Variants in TRPC4AP observed in about 807,000 individuals in gnomAD.
TRPC4AP encodes short transient receptor potential channel 4-associated protein.
A neutral mutation model predicts 99.0 loss-of-function variants in TRPC4AP; 45 were observed. The ratio of observed to expected loss-of-function variants is 0.45; its 90% CI spans 0.36 to 0.58. The LOEUF (loss-of-function observed/expected upper bound fraction) is 0.58, where lower values mean the gene tolerates loss of function less well. TRPC4AP is among the 20% of genes least tolerant of loss of function. The pLI is 0.00. For synonymous variants in TRPC4AP, 408 were observed against 385.8 expected (o/e 1.06, Z -0.67); for missense variants, 879 against 985.3 (o/e 0.89, Z 1.44).
chr20:35,031,272 G>C (rs1160386254), intron 8 of TRPC4AP, among the ~76,000 whole-genome samples: 1 of 149,868 alleles, frequency 6.7e-6, no homozygotes, highest in Non-Finnish European at 1.5e-5. Context: ...GTCTCGCTCT[G>C]TCACCCAGGC....
At chr20:35,031,390 C>CTT (rs71299218) in intron 8 of TRPC4AP, among the ~76,000 whole-genome samples, 9,567 of 73,352 alleles carry the variant, frequency 0.13, 1,163 homozygotes, top group Non-Finnish European at 0.14. Flanking sequence ...CCCTGGTTAA[C>CTT]TTTTTTTTTT....
At chr20:35,053,653 A>G (rs1483336253) in intron 5 of TRPC4AP, among the ~76,000 whole-genome samples, 2 of 152,242 alleles carry the variant, frequency 1.3e-5, no homozygotes, top group African/African-American at 4.8e-5. Context: ...TGTTCAAACA[A>G]GAGGAAAGAA....
chr20:35,030,904 C>T (rs2083174988), intron 8 of TRPC4AP, among the ~76,000 whole-genome samples: 1 of 152,194 alleles, frequency 6.6e-6, no homozygotes, highest in African/African-American at 2.4e-5. Context: ...TGTCTGAAGT[C>T]ACCTGCTTTC....
intron 7 of TRPC4AP, among the ~76,000 whole-genome samples, chr20:35,037,745 G>T (rs985999025): frequency 1.3e-5 from 2 of 152,130 alleles, no homozygotes; most frequent in African/African-American, 4.8e-5. Flanking sequence ...GAAGACGGTG[G>T]TGCCATCAGA....
chr20:35,003,614 C>G lies in TRPC4AP; in HGVS notation c.2052G>C (p.Glu684Asp). 6.2e-7 allele frequency: 1 copy of G among 1,613,152 alleles called. No homozygotes were observed. The highest frequency in any genetic ancestry group is 8.5e-7 in the Non-Finnish European group (1 of 1,179,766). The change falls in exon 18 of 19, where the codon GAG (glutamate) becomes GAC (aspartate). Residue 684 changes from glutamate to aspartate, a missense_variant and splice_region_variant. By Grantham distance (45) the Glu-to-Asp change is conservative (BLOSUM62 2). Around this residue, in one of 3 missense-constraint regions of TRPC4AP, gnomAD observed 224 missense variants for 264.7 expected, o/e 0.85. Coordinates refer to ENST00000252015, the MANE Select transcript of TRPC4AP (RefSeq NM_015638.3). ...NIIHVQTLTQENVSCLNTSLV... is the reference protein window; with the variant it reads ...NIIHVQTLTQDNVSCLNTSLV... ...GGCTGGTGTTGAGGCAGCTGACGTT[C>G]TCCTGCAAGGCCACAGGCCCACAGG...
At chr20:35,015,203 G>T (rs1292844641) in intron 10 of TRPC4AP, among the ~76,000 whole-genome samples, 1 of 152,142 alleles carries the variant, frequency 6.6e-6, no homozygotes, top group Admixed American at 6.5e-5. Context: ...GTTTCACCAT[G>T]TTGGCCAGGC....
chr20:35,049,890 A>C lies in TRPC4AP; in HGVS notation c.633T>G (p.Ile211Met), dbSNP rs2083653935. ...KKTFLQTATLIEDILGVKKEM... is the reference protein window; with the variant it reads ...KKTFLQTATLMEDILGVKKEM... ...CCTTTTTAACACCCAAAATATCTTCAATGAGGGTTGCTGTTTGTAAGAATG... is the reference window on the plus strand; with the variant it reads ...CCTTTTTAACACCCAAAATATCTTCCATGAGGGTTGCTGTTTGTAAGAATG... Residue 211 changes from isoleucine to methionine, a missense_variant, in exon 6 of 19, where the codon ATT becomes ATG. Coordinates refer to ENST00000252015, the MANE Select transcript of TRPC4AP (RefSeq NM_015638.3). The C allele has an allele frequency of 1.2e-6, 2 of 1,613,800 alleles. No individual in the cohort carries two copies. The highest frequency in any genetic ancestry group is 2.7e-5 in the African/African-American group (2 of 75,026).
At chr20:35,048,780 C>G (rs1368079609) in intron 6 of TRPC4AP, among the ~76,000 whole-genome samples, 1 of 152,152 alleles carries the variant, frequency 6.6e-6, no homozygotes, top group East Asian at 1.9e-4. Context: ...GCTAAGGAGT[C>G]TGGAGTTTCC....
chr20:35,021,661 C>G (rs1031393107), intron 8 of TRPC4AP, among the ~76,000 whole-genome samples: 8 of 152,180 alleles, frequency 5.3e-5, no homozygotes, highest in Non-Finnish European at 1.2e-4. Flanking sequence ...CTCCTGCCAC[C>G]AACCAGACCC....
At chr20:35,012,899 A>T in intron 11 of TRPC4AP, 109 bp downstream of exon 11, 1 of 1,142,526 alleles carries the variant, frequency 8.8e-7, no homozygotes, top group Non-Finnish European at 1.3e-6. Flanking sequence ...GTGGGCTTCC[A>T]CCAGCTCCAG....
intron 2 of TRPC4AP, among the ~76,000 whole-genome samples, chr20:35,071,905 T>C (rs1036735382): frequency 1.3e-5 from 2 of 152,088 alleles, no homozygotes; most frequent in African/African-American, 4.8e-5. Flanking sequence ...CCACCAACAG[T>C]TTAAAAGTGT....
intron 6 of TRPC4AP, among the ~76,000 whole-genome samples, chr20:35,048,912 C>T (rs997975142): frequency 4.6e-5 from 7 of 152,210 alleles, no homozygotes; most frequent in African/African-American, 1.7e-4. Context: ...CAATGTGTTC[C>T]TACAGACAAT....
chr20:35,029,314 T>C (rs901745424), intron 8 of TRPC4AP, among the ~76,000 whole-genome samples: 5 of 152,208 alleles, frequency 3.3e-5, no homozygotes, highest in African/African-American at 1.2e-4. Flanking sequence ...ATACATCTTT[T>C]TCTGTCCTTT....
intron 2 of TRPC4AP, among the ~76,000 whole-genome samples, chr20:35,077,142 G>A (rs753509077): frequency 6.6e-6 from 1 of 152,108 alleles, no homozygotes; most frequent in Non-Finnish European, 1.5e-5. Flanking sequence ...GGAGTGTCCC[G>A]ATTTTCTGGG....
At chr20:35,073,108 C>G (rs1394978897) in intron 2 of TRPC4AP, among the ~76,000 whole-genome samples, 1 of 152,144 alleles carries the variant, frequency 6.6e-6, no homozygotes, top group Non-Finnish European at 1.5e-5. Context: ...ATGCTTGCGA[C>G]TTTTGCACAT....
At chr20:35,071,102 G>A (rs535678354) in intron 2 of TRPC4AP, among the ~76,000 whole-genome samples, 1 of 152,228 alleles carries the variant, frequency 6.6e-6, no homozygotes, top group East Asian at 1.9e-4. Context: ...CAGACTGTGA[G>A]ATTCAAAATA....
At chr20:35,051,395 T>C (rs1315335742) in intron 5 of TRPC4AP, among the ~76,000 whole-genome samples, 1 of 152,118 alleles carries the variant, frequency 6.6e-6, no homozygotes, top group African/African-American at 2.4e-5. Flanking sequence ...ACAGCCTCAA[T>C]CACCTGGGCT....
chr20:35,064,733 C>G (rs1452710780), intron 3 of TRPC4AP, among the ~76,000 whole-genome samples: 1 of 152,166 alleles, frequency 6.6e-6, no homozygotes, highest in African/African-American at 2.4e-5. Context: ...TAAGGTCATC[C>G]TCTAGAAAAG....
chr20:35,013,146 G>A, intron 10 of TRPC4AP, 80 bp from the exon 11 acceptor site: 1 of 1,377,482 alleles, frequency 7.3e-7, no homozygotes, highest in Non-Finnish European at 1.0e-6. Context: ...TCTGGTGGGA[G>A]CCTGCTTCTC....
Sources: allele counts gnomAD v4.1 joint callset (sites outside exome capture counted in the v4.1 genomes callset), GRCh38; gene constraint gnomAD v4.1.1; regional missense constraint gnomAD v4.1.1; transcripts MANE v1.5; gene names NCBI Gene and HGNC (gene_info 2026-07-23, HGNC 2026-07-21).